SH3RF2: variants seen among roughly 807,000 people sequenced by gnomAD.
SH3RF2 encodes the protein E3 ubiquitin-protein ligase SH3RF2.
In SH3RF2, 43 loss-of-function variants were observed where a neutral mutation model predicts 59.0. The ratio of observed to expected loss-of-function variants is 0.73; its 90% CI spans 0.57 to 0.94. The LOEUF is 0.94. Ranked by LOEUF, SH3RF2 falls within the 40% of genes least tolerant of loss-of-function variation. The pLI is 0.00. For missense variants in SH3RF2, 930 were observed against 940.1 expected (o/e 0.99, Z 0.14); for synonymous variants, 391 against 391.5 (o/e 1.00, Z 0.01).
intron 2 of SH3RF2, among the ~76,000 whole-genome samples, chr5:145,963,230 T>G (rs1758703000): frequency 6.7e-6 from 1 of 148,978 alleles, no homozygotes; most frequent in South Asian, 2.2e-4. Context: ...TTGCACAAAA[T>G]AAATACTGGA....
At chr5:146,052,375 G>A (rs972344721) in intron 7 of SH3RF2, among the ~76,000 whole-genome samples, 3 of 152,110 alleles carry the variant, frequency 2.0e-5, no homozygotes, top group Admixed American at 1.3e-4. Flanking sequence ...CAAGTCATGA[G>A]CATCTCTACT....
chr5:146,006,675 A>AAGAC (rs1318566728), intron 4 of SH3RF2, among the ~76,000 whole-genome samples: 1 of 152,200 alleles, frequency 6.6e-6, no homozygotes, highest in African/African-American at 2.4e-5. Flanking sequence ...AAGTAAATGG[A>AAGAC]AGACAGATCA....
chr5:145,991,699 T>C (rs990462244), intron 2 of SH3RF2, among the ~76,000 whole-genome samples: 7 of 152,066 alleles, frequency 4.6e-5, no homozygotes, highest in African/African-American at 1.7e-4. Flanking sequence ...TATTTTAGGG[T>C]TTCAAGGTTG....
Position 146,049,236 on chromosome 5 carries a change from C to T in SH3RF2, c.1313C>T (p.Pro438Leu), listed in dbSNP as rs774594680. 1.2e-6 allele frequency: 2 copies of T among 1,608,706 alleles called. No homozygotes were observed. Among genetic ancestry groups the T allele is most frequent in the Non-Finnish European group, 1.7e-6 (2 of 1,176,832 alleles). Residue 438 changes from proline to leucine, a missense_variant, in exon 7 of 10, where the codon CCC (proline) becomes CTC (leucine). By Grantham distance (98) the Pro-to-Leu change is moderately conservative. Coordinates refer to ENST00000359120, the MANE Select transcript of SH3RF2 (RefSeq NM_152550.4). ...ATCTTCCCAAACAATTACGTCATCC[C>T]CATTTTCAGGTGTGTCGCCTCCAAT... Reference protein sequence around the residue: ...VGIFPNNYVIPIFRKTSSFPD... With the variant: ...VGIFPNNYVILIFRKTSSFPD...
At chr5:146,078,330 A>G (rs577961754) in intron 9 of SH3RF2, 3 of 152,388 alleles carry the variant, frequency 2.0e-5, no homozygotes, top group African/African-American at 7.2e-5. Context: ...TGATGCACTC[A>G]GAAGACCACA....
At chr5:146,079,082 T>C (rs1328755975) in exon 10 of SH3RF2, 1 of 151,950 alleles carries the variant, frequency 6.6e-6, no homozygotes, top group Non-Finnish European at 1.5e-5. Context: ...TAATAGAGCA[T>C]AATGATCAAG....
intron 8 of SH3RF2, 134 bp downstream of exon 8, chr5:146,056,347 T>C: frequency 7.3e-7 from 1 of 1,362,366 alleles, no homozygotes; most frequent in Non-Finnish European, 9.9e-7. Context: ...ATTATACAAT[T>C]CCCAAATGAT....
chr5:146,036,603 G>C (rs1051084098), intron 5 of SH3RF2, among the ~76,000 whole-genome samples: 1 of 152,170 alleles, frequency 6.6e-6, no homozygotes, highest in Admixed American at 6.5e-5. Flanking sequence ...GCTGAGGCAC[G>C]AGAATTGCTG....
intron 2 of SH3RF2, among the ~76,000 whole-genome samples, chr5:145,996,481 T>C (rs1271553344): frequency 2.6e-5 from 4 of 152,128 alleles, no homozygotes; most frequent in Non-Finnish European, 5.9e-5. Flanking sequence ...AATAATTATT[T>C]AGACAACTGA....
At chr5:146,030,906 T>C (rs1761720367) in intron 5 of SH3RF2, among the ~76,000 whole-genome samples, 1 of 152,204 alleles carries the variant, frequency 6.6e-6, no homozygotes. Context: ...GCTTTCACAC[T>C]AGAAGGAAAC....
intron 2 of SH3RF2, among the ~76,000 whole-genome samples, chr5:145,987,903 A>G (rs61445135): frequency 0.012 from 1,800 of 152,310 alleles, 37 homozygotes; most frequent in African/African-American, 0.041. Context: ...TATCACATTA[A>G]TCGTCTCCAA....
chr5:146,031,638 C>T (rs1761747061), intron 5 of SH3RF2, among the ~76,000 whole-genome samples: 1 of 152,216 alleles, frequency 6.6e-6, no homozygotes, highest in South Asian at 2.1e-4. Context: ...GCAGCAATGC[C>T]AAGCTCTGCT....
intron 4 of SH3RF2, 138 bp downstream of exon 4, chr5:146,004,291 G>C: frequency 1.8e-6 from 1 of 545,062 alleles, no homozygotes; most frequent in South Asian, 3.2e-5. Flanking sequence ...AAAGATGCCA[G>C]ACAATAATAC....
chr5:146,029,513 C>T (rs899972303), intron 5 of SH3RF2, among the ~76,000 whole-genome samples: 2 of 152,136 alleles, frequency 1.3e-5, no homozygotes, highest in Non-Finnish European at 2.9e-5. Flanking sequence ...ATCTGAGACT[C>T]GGTGATTCCA....
chr5:146,017,801 C>T (rs1244098624), intron 5 of SH3RF2, among the ~76,000 whole-genome samples: 1 of 152,136 alleles, frequency 6.6e-6, no homozygotes, highest in Non-Finnish European at 1.5e-5. Context: ...CTAGAGCCCA[C>T]ACTCAATCAC....
intron 9 of SH3RF2, among the ~76,000 whole-genome samples, chr5:146,070,806 T>G (rs558427857): frequency 6.6e-6 from 1 of 152,312 alleles, no homozygotes; most frequent in African/African-American, 2.4e-5. Context: ...AGATGCAAAC[T>G]AATTAGGCAA....
Position 145,997,779 on chromosome 5 carries a change from C to T in SH3RF2, c.379-2279C>T, listed in dbSNP as rs1427619640. 1.1e-5 allele frequency: 17 copies of T among 1,567,312 alleles called. No homozygotes were observed. In the East Asian group the frequency reaches 3.4e-4, roughly 31 times the overall value. On this transcript the variant is annotated intron_variant, in intron 2 of 9. Coordinates refer to ENST00000359120, the MANE Select transcript of SH3RF2 (RefSeq NM_152550.4). The stretch of plus-strand genomic sequence containing the variant: ...AAAAAGCAGCAAAAAAAGAGTCACT[C>T]CCTAAACCTAAAGAAAAAAAATTAA...
chr5:145,996,551 CTAAT>C (rs1268118037), intron 2 of SH3RF2, among the ~76,000 whole-genome samples: 1 of 24,332 alleles, frequency 4.1e-5, no homozygotes, highest in Non-Finnish European at 8.5e-5. Flanking sequence ...TGATCTCTGA[CTAAT>C]TGTTTCTTTG....
intron 2 of SH3RF2, among the ~76,000 whole-genome samples, chr5:145,987,289 C>T (rs902887635): frequency 6.6e-6 from 1 of 152,094 alleles, no homozygotes; most frequent in African/African-American, 2.4e-5. Flanking sequence ...TGGGTGCACC[C>T]ATCACCTGAG....
Sources: allele counts gnomAD v4.1 joint callset (sites outside exome capture counted in the v4.1 genomes callset), GRCh38; gene constraint gnomAD v4.1.1; transcripts MANE v1.5; gene names NCBI Gene and HGNC (gene_info 2026-07-23, HGNC 2026-07-21).